The following NAV2 variants were observed in gnomAD, a reference collection of about 807,000 sequenced individuals.
The protein encoded by NAV2 is helicase, APC down-regulated 1.
NAV2 carries 54 observed loss-of-function variants against 223.2 expected under a neutral mutation model. The observed-to-expected ratio is 0.24, with a 90% confidence interval of 0.19 to 0.30. The LOEUF (loss-of-function observed/expected upper bound fraction) is 0.30. Ranked by LOEUF, NAV2 falls within the 10% of genes least tolerant of loss-of-function variation. The pLI, the probability that NAV2 is intolerant of heterozygous loss-of-function variation, is 1.00. For synonymous variants in NAV2, 1,279 were observed against 1,239.3 expected (o/e 1.03, Z -0.67); for missense variants, 2,806 against 3,147.5 (o/e 0.89, Z 2.60).
intron 1 of NAV2, among the ~76,000 whole-genome samples, chr11:19,571,398 T>A (rs1317372105): frequency 6.6e-6 from 1 of 152,206 alleles, no homozygotes; most frequent in African/African-American, 2.4e-5. Flanking sequence ...GTACTAAGTG[T>A]CACTGAATTG....
intron 2 of NAV2, among the ~76,000 whole-genome samples, chr11:19,841,826 G>C (rs1356341992): frequency 6.6e-6 from 1 of 152,160 alleles, no homozygotes; most frequent in Admixed American, 6.5e-5. Context: ...CGTATTATTG[G>C]GTTCATGATA....
chr11:19,765,854 C>T (rs2152561828), intron 1 of NAV2, among the ~76,000 whole-genome samples: 1 of 152,260 alleles, frequency 6.6e-6, no homozygotes, highest in East Asian at 1.9e-4. Context: ...TGAGCAGCCC[C>T]TCCAAAATGC....
At chr11:19,372,239 G>T (rs749091041) in intron 1 of NAV2, among the ~76,000 whole-genome samples, 3 of 152,158 alleles carry the variant, frequency 2.0e-5, no homozygotes, top group Admixed American at 6.5e-5. Flanking sequence ...TAGAAGAGGG[G>T]TGTCATCCTT....
intron 1 of NAV2, among the ~76,000 whole-genome samples, chr11:19,406,248 C>A (rs557353313): frequency 6.6e-6 from 1 of 152,290 alleles, no homozygotes; most frequent in East Asian, 1.9e-4. Context: ...TAAATCTGTG[C>A]ATGGCCACCT....
chr11:19,948,126 G>A (rs1030049983), intron 9 of NAV2, among the ~76,000 whole-genome samples: 36 of 151,398 alleles, frequency 2.4e-4, no homozygotes, highest in African/African-American at 8.2e-4. Flanking sequence ...ACTCTCTGTC[G>A]GCAGGCTGGA....
chr11:19,693,768 A>T (rs1271510809), intron 1 of NAV2, among the ~76,000 whole-genome samples: 4 of 152,158 alleles, frequency 2.6e-5, no homozygotes, highest in African/African-American at 9.7e-5. Flanking sequence ...GTAACATTGG[A>T]GGCCAGCACT....
At chr11:19,603,499 C>A (rs186787000) in intron 1 of NAV2, among the ~76,000 whole-genome samples, 1 of 151,842 alleles carries the variant, frequency 6.6e-6, no homozygotes, top group African/African-American at 2.4e-5. Context: ...TGGTGGCATG[C>A]GCCTGTAGTC....
intron 1 of NAV2, chr11:19,351,113 C>A: frequency 1.5e-6 from 2 of 1,310,960 alleles, no homozygotes; most frequent in Non-Finnish European, 2.2e-6. Context: ...CATCATCGAG[C>A]ATGCTTGTCT....
chr11:19,675,718 G>A (rs545326646), intron 1 of NAV2, among the ~76,000 whole-genome samples: 3 of 152,280 alleles, frequency 2.0e-5, no homozygotes, highest in African/African-American at 7.2e-5. Flanking sequence ...TGCATGGCCA[G>A]TCCCGGGGCC....
At chr11:19,364,487 C>T (rs1297524917) in intron 1 of NAV2, among the ~76,000 whole-genome samples, 1 of 152,204 alleles carries the variant, frequency 6.6e-6, no homozygotes, top group Non-Finnish European at 1.5e-5. Context: ...GTTCTGAAAG[C>T]AGCCAGTGTC....
At chr11:19,412,225 A>T (rs539813488) in intron 1 of NAV2, among the ~76,000 whole-genome samples, 4 of 152,280 alleles carry the variant, frequency 2.6e-5, no homozygotes, top group Middle Eastern at 3.4e-3. Context: ...TGGGATGCTC[A>T]AGCTTGGTGG....
chr11:19,526,526 A>G (rs7127676), intron 1 of NAV2, among the ~76,000 whole-genome samples: 48,009 of 151,698 alleles, frequency 0.32, 10,438 homozygotes, highest in African/African-American at 0.62. Context: ...TTTTTCACCC[A>G]TTGTTTACTC....
intron 1 of NAV2, among the ~76,000 whole-genome samples, chr11:19,569,164 T>C (rs1035712078): frequency 2.0e-5 from 3 of 152,216 alleles, no homozygotes; most frequent in South Asian, 2.1e-4. Context: ...TTTTAAATAA[T>C]AAAGAAATTA....
intron 12 of NAV2, among the ~76,000 whole-genome samples, chr11:20,039,001 T>C (rs923898490): frequency 3.9e-5 from 6 of 152,170 alleles, no homozygotes; most frequent in African/African-American, 1.4e-4. Context: ...CAACGGAGAA[T>C]GCCCCCCACA....
chr11:19,825,953 CT>C (rs1341043282), intron 1 of NAV2, among the ~76,000 whole-genome samples: 3 of 152,112 alleles, frequency 2.0e-5, no homozygotes, highest in Non-Finnish European at 4.4e-5. Context: ...CTTGTCAAGC[CT>C]TTGACAGCAG....
At chr11:19,369,528 CTG>C (rs1410934812) in intron 1 of NAV2, among the ~76,000 whole-genome samples, 4 of 152,058 alleles carry the variant, frequency 2.6e-5, no homozygotes, top group African/African-American at 9.7e-5. Context: ...GGTTTTAATG[CTG>C]TGTGGTTCAT....
chr11:20,002,497 G>T (rs568576364), intron 11 of NAV2, among the ~76,000 whole-genome samples: 3 of 152,196 alleles, frequency 2.0e-5, no homozygotes, highest in African/African-American at 4.8e-5. Context: ...GGGTCAGAAG[G>T]AAGGCTTCCT....
chr11:19,475,531 T>C (rs567067302), intron 1 of NAV2, among the ~76,000 whole-genome samples: 2 of 152,182 alleles, frequency 1.3e-5, no homozygotes, highest in African/African-American at 2.4e-5. Context: ...TGGTATCACA[T>C]TAGCTCAAAC....
chr11:20,107,568 G>T, intron 35 of NAV2, 96 bp from the exon 36 acceptor site: 1 of 929,864 alleles, frequency 1.1e-6, no homozygotes, highest in South Asian at 1.5e-5. Context: ...AACGTCTAGG[G>T]TCCCTCCTGT....
Sources: gnomAD v4.1 joint callset for allele counts (sites outside exome capture counted in the v4.1 genomes callset) on GRCh38, gnomAD v4.1.1 for gene constraint, MANE v1.5 for transcripts, NCBI Gene and HGNC (gene_info 2026-07-23, HGNC 2026-07-21) for gene names.